Variants in SH3GL3 observed in about 807,000 individuals in gnomAD.
SH3GL3 encodes the protein SH3 domain containing GRB2 like 3, endophilin A3.
Under a neutral mutation model 47.7 loss-of-function variants are expected in SH3GL3, and 33 were observed. The observed-to-expected ratio is 0.69, with a 90% confidence interval of 0.52 to 0.92. The LOEUF (loss-of-function observed/expected upper bound fraction) is 0.92. SH3GL3 is among the 40% of genes least tolerant of loss of function. The pLI is 0.00. For synonymous variants in SH3GL3, 155 were observed against 148.8 expected (o/e 1.04, Z -0.30); for missense variants, 363 against 417.8 (o/e 0.87, Z 1.14).
In SH3GL3 at chr15:83,558,075, T is replaced by C. The variant is rs189972078; in HGVS notation, c.46-1178T>C. Among the ~76,000 whole-genome samples the C allele has an allele frequency of 1.6e-3, 250 of 152,346 alleles. 3 individuals are homozygous for C. The highest frequency in any genetic ancestry group is 5.8e-3 in the African/African-American group (243 of 41,586). ...CAACCTGCCATCTTTTCACCTTTAA[T>C]TGATGGCACCTCCCTTACTGTGGAT... On this transcript the variant is annotated intron_variant, in intron 1 of 8. Transcript: ENST00000427482.
At chr15:83,499,805 C>T (rs950357414) in intron 1 of SH3GL3, among the ~76,000 whole-genome samples, 2 of 152,182 alleles carry the variant, frequency 1.3e-5, no homozygotes, top group Non-Finnish European at 2.9e-5. Flanking sequence ...TATCAGTACA[C>T]AGGACCTTAG....
chr15:83,477,216 C>G (rs948792617), intron 1 of SH3GL3, among the ~76,000 whole-genome samples: 2 of 152,150 alleles, frequency 1.3e-5, no homozygotes, highest in African/African-American at 4.8e-5. Context: ...TGGCATTTTG[C>G]TGTGCATTTC....
intron 1 of SH3GL3, among the ~76,000 whole-genome samples, chr15:83,461,237 A>T (rs919512013): frequency 6.6e-6 from 1 of 152,192 alleles, no homozygotes; most frequent in East Asian, 1.9e-4. Context: ...CTGCAGTCAG[A>T]TTCATGGAAA....
chr15:83,574,828 C>G (rs1190140949), intron 5 of SH3GL3, among the ~76,000 whole-genome samples: 1 of 152,176 alleles, frequency 6.6e-6, no homozygotes, highest in African/African-American at 2.4e-5. Context: ...CACCCCTTCT[C>G]CTGGCTGTCA....
At chr15:83,457,327 C>A (rs963290114) in intron 1 of SH3GL3, among the ~76,000 whole-genome samples, 10 of 152,196 alleles carry the variant, frequency 6.6e-5, no homozygotes, top group Admixed American at 1.3e-4. Context: ...TTCTTTATGC[C>A]TTTTAACTTC....
chr15:83,544,531 C>T (rs554715762), intron 1 of SH3GL3, among the ~76,000 whole-genome samples: 5 of 152,228 alleles, frequency 3.3e-5, no homozygotes, highest in Admixed American at 2.0e-4. Flanking sequence ...GTAGTTTACA[C>T]ACCACAATTA....
intron 1 of SH3GL3, among the ~76,000 whole-genome samples, chr15:83,481,708 T>G (rs896939639): frequency 6.6e-6 from 1 of 152,140 alleles, no homozygotes. Flanking sequence ...GGATTGATCG[T>G]TTTTTTCCCC....
chr15:83,453,665 A>C (rs1400274603), intron 1 of SH3GL3, among the ~76,000 whole-genome samples: 5 of 133,442 alleles, frequency 3.7e-5, no homozygotes, highest in Non-Finnish European at 6.4e-5. Context: ...CCCCTTTATC[A>C]TTTTTTATTG....
In SH3GL3 at chr15:83,572,697, G is replaced by A. The variant is rs764916621; in HGVS notation, c.464G>A (p.Gly155Glu). 6.9e-6 allele frequency: 11 copies of A among 1,605,742 alleles called. No homozygotes were observed. Among genetic ancestry groups the A allele is most frequent in the Non-Finnish European group, 9.4e-6 (11 of 1,173,736 alleles). ...LLQDKDLKEI[G>E]HHLKKLEGRR... ...CAAGATAAAGATTTAAAAGAGATCG[G>A]GGTAAGTCTTCCAGGGTATAAATAT... The change falls in exon 5 of 9, where the codon GGG becomes GAG. Residue 155 changes from glycine (G) to glutamate (E), a missense_variant and splice_region_variant. Transcript: ENST00000427482.
At position 83,618,199 on chromosome 15, in the gene SH3GL3, A is replaced by G; in HGVS notation, c.956A>G (p.Asp319Gly). ...GDIITLTNQI[D>G]ENWYEGMIHG... ...ATCATTACATTAACCAATCAAATAG[A>G]TGAAAACTGGTATGAAGGAATGATA... Residue 319 changes from aspartate (D) to glycine (G), a missense_variant, in exon 9 of 9, where the codon GAT (aspartate) becomes GGT (glycine). Physicochemically the swap from Asp to Gly is moderately conservative, Grantham distance 94. Transcript: ENST00000427482. The G allele has an allele frequency of 6.2e-7, 1 of 1,610,158 alleles. No homozygotes were observed. Among genetic ancestry groups the G allele is most frequent in the Middle Eastern group, 1.7e-4 (1 of 6,056 alleles).
intron 8 of SH3GL3, among the ~76,000 whole-genome samples, chr15:83,615,844 T>C (rs767412408): frequency 6.6e-6 from 1 of 152,180 alleles, no homozygotes; most frequent in Non-Finnish European, 1.5e-5. Context: ...TACCTCATTT[T>C]GCCAAAATCC....
intron 1 of SH3GL3, among the ~76,000 whole-genome samples, chr15:83,482,279 GGTT>G (rs1468973881): frequency 6.6e-6 from 1 of 151,976 alleles, no homozygotes; most frequent in Non-Finnish European, 1.5e-5. Flanking sequence ...GATCCTTTGT[GGTT>G]GTTGCAAGCT....
chr15:83,464,761 T>A (rs2040482537), intron 1 of SH3GL3, among the ~76,000 whole-genome samples: 1 of 152,150 alleles, frequency 6.6e-6, no homozygotes, highest in Non-Finnish European at 1.5e-5. Flanking sequence ...ACTATCACCT[T>A]GGTCCTGGCC....
chr15:83,579,147 C>A (rs1567007498), intron 6 of SH3GL3, among the ~76,000 whole-genome samples: 1 of 152,222 alleles, frequency 6.6e-6, no homozygotes. Context: ...CATGTTTTGA[C>A]AGTAACACGT....
At chr15:83,584,042 C>T (rs1267802768) in intron 6 of SH3GL3, among the ~76,000 whole-genome samples, 1 of 152,156 alleles carries the variant, frequency 6.6e-6, no homozygotes, top group African/African-American at 2.4e-5. Flanking sequence ...TAGCTTAAAG[C>T]AACACACATT....
intron 1 of SH3GL3, among the ~76,000 whole-genome samples, chr15:83,513,453 C>T (rs141860022): frequency 6.8e-4 from 104 of 152,322 alleles, no homozygotes; most frequent in African/African-American, 2.3e-3. Flanking sequence ...TGTCCCTAGA[C>T]GTGCTGGACA....
At chr15:83,572,482 T>G (rs962333265) in intron 4 of SH3GL3, 83 bp from the exon 5 acceptor site, 15 of 1,202,406 alleles carry the variant, frequency 1.2e-5, no homozygotes, top group African/African-American at 3.0e-5. Context: ...CCACACACTT[T>G]TGGTAAAGAA....
chr15:83,624,735 G>A, the SH3GL3 span, among the ~76,000 whole-genome samples: 1 of 152,156 alleles, frequency 6.6e-6, no homozygotes, highest in African/African-American at 2.4e-5. Flanking sequence ...AGGACTTTGA[G>A]ACCAGGCTGG....
chr15:83,533,754 C>T (rs113076756), intron 1 of SH3GL3, among the ~76,000 whole-genome samples: 5 of 152,068 alleles, frequency 3.3e-5, no homozygotes, highest in African/African-American at 1.2e-4. Context: ...GAAAGTGGGG[C>T]AGGGAAGTTT....
Sources: gnomAD v4.1 joint callset for allele counts (sites outside exome capture counted in the v4.1 genomes callset) on GRCh38, gnomAD v4.1.1 for gene constraint, MANE v1.5 for transcripts, NCBI Gene and HGNC (gene_info 2026-07-23, HGNC 2026-07-21) for gene names.